Variants in IQCH observed in about 807,000 individuals in gnomAD.
IQCH encodes IQ motif containing H.
In IQCH, 98 loss-of-function variants were observed where a neutral mutation model predicts 117.0. The observed-to-expected ratio is 0.84, with a 90% confidence interval of 0.71 to 0.99. The LOEUF (loss-of-function observed/expected upper bound fraction) is 0.99. Ranked by LOEUF, IQCH falls within the 50% of genes least tolerant of loss-of-function variation. The pLI is 0.00. For missense variants in IQCH, 1,102 were observed against 1,243.8 expected (o/e 0.89, Z 1.72); for synonymous variants, 412 against 448.2 (o/e 0.92, Z 1.02).
rs897230596 is a variant in IQCH, at chr15:67,347,714, G to C, written c.637+3523G>C. ...CCTGACACCACAACCAAAGACTTTA[G>C]AAAAAAACTACAGCCCAGTATTCTT... On this transcript the variant is annotated intron_variant, in intron 6 of 20. Coordinates refer to ENST00000335894, the MANE Select transcript of IQCH (RefSeq NM_001031715.3). Among the ~76,000 whole-genome samples the C allele has an allele frequency of 2.0e-5, 3 of 149,976 alleles. No homozygotes were observed. In the South Asian group the frequency reaches 6.3e-4, roughly 31 times the overall value.
chr15:67,318,511 G>A (rs1474257102), intron 4 of IQCH, among the ~76,000 whole-genome samples: 1 of 152,072 alleles, frequency 6.6e-6, no homozygotes, highest in Admixed American at 6.5e-5. Flanking sequence ...ATTCCTATGG[G>A]TTTTATTTGG....
rs765168941 is a variant in IQCH at position 67,263,193 on chromosome 15, A to G, written c.246A>G (p.Leu82=). The change falls in exon 3 of 21, where the codon TTA becomes TTG. Residue 82 remains leucine, a synonymous_variant. Transcript: ENST00000335894. ...CGACTTCTGTTAATGATGAGAGCTT[A>G]TATACTCCCCAGGCTTCCAAATGGT... is the stretch of plus-strand genomic sequence containing the variant. The part of the protein sequence containing the change: ...VLTTSVNDES[L]YTPQASKWLL... 15 of 1,567,142 alleles carry G rather than the reference A, an allele frequency of 9.6e-6. No individual in the cohort carries two copies. The highest frequency in any genetic ancestry group is 1.4e-5 in the African/African-American group (1 of 73,964).
chr15:67,352,533 A>G (rs948529850), intron 6 of IQCH, among the ~76,000 whole-genome samples: 9 of 151,806 alleles, frequency 5.9e-5, no homozygotes, highest in African/African-American at 2.2e-4. Context: ...ATTTGCCTCA[A>G]AATGTGTTTA....
chr15:67,378,393 C>T (rs1437529949), intron 10 of IQCH, among the ~76,000 whole-genome samples: 2 of 150,488 alleles, frequency 1.3e-5, no homozygotes, highest in East Asian at 3.9e-4. Context: ...AAAATCTTTG[C>T]AGTCTTCAAC....
intron 4 of IQCH, among the ~76,000 whole-genome samples, chr15:67,325,408 A>G (rs945243036): frequency 6.6e-5 from 10 of 152,166 alleles, no homozygotes; most frequent in South Asian, 6.2e-4. Context: ...TTTGTCAATT[A>G]TGCCTTAATA....
chr15:67,420,359 G>GC (rs2081703517), intron 15 of IQCH, among the ~76,000 whole-genome samples: 1 of 152,104 alleles, frequency 6.6e-6, no homozygotes, highest in African/African-American at 2.4e-5. Flanking sequence ...ACTTCTCCCA[G>GC]CCCCCAGCAA....
intron 4 of IQCH, among the ~76,000 whole-genome samples, chr15:67,321,808 T>C (rs1221816424): frequency 6.6e-6 from 1 of 152,212 alleles, no homozygotes; most frequent in Non-Finnish European, 1.5e-5. Flanking sequence ...CCTTTCCATA[T>C]TCATATCTGT....
At chr15:67,341,441 A>G (rs1312162173) in intron 5 of IQCH, among the ~76,000 whole-genome samples, 1 of 152,232 alleles carries the variant, frequency 6.6e-6, no homozygotes, top group Non-Finnish European at 1.5e-5. Flanking sequence ...AACAGGGAAT[A>G]ACTTGCCATC....
At chr15:67,438,140 T>C (rs1435912157) in intron 16 of IQCH, among the ~76,000 whole-genome samples, 1 of 152,174 alleles carries the variant, frequency 6.6e-6, no homozygotes, top group African/African-American at 2.4e-5. Context: ...CTTTAAGAGC[T>C]GTGAGAGAGA....
chr15:67,372,224 A>G lies in IQCH; in HGVS notation c.867A>G (p.Glu289=). 1.2e-6 allele frequency: 2 copies of G among 1,614,154 alleles called. No individual in the cohort carries two copies. The highest frequency in any genetic ancestry group is 2.2e-5 in the South Asian group (2 of 91,082). Residue 289 remains glutamate, a synonymous_variant, in exon 9 of 21, where the codon GAA becomes GAG. Transcript: ENST00000335894. The part of the protein sequence containing the change: ...NTAPDFLAFK[E]HFSLAWGGIF... ...CCCCAGACTTCTTAGCATTCAAGGAACATTTTAGCTTAGCTTGGGGAGGTA... is the reference window on the plus strand; with the variant it reads ...CCCCAGACTTCTTAGCATTCAAGGAGCATTTTAGCTTAGCTTGGGGAGGTA...
chr15:67,449,882 G>A (rs1015192387), intron 16 of IQCH, among the ~76,000 whole-genome samples: 3 of 152,220 alleles, frequency 2.0e-5, no homozygotes, highest in Non-Finnish European at 4.4e-5. Context: ...CCATTTGTTT[G>A]TATCCTCTTT....
intron 16 of IQCH, among the ~76,000 whole-genome samples, chr15:67,428,936 G>A (rs949722179): frequency 6.6e-6 from 1 of 152,046 alleles, no homozygotes; most frequent in Non-Finnish European, 1.5e-5. Context: ...CTTGAACAAG[G>A]AGGAAGGGAC....
At chr15:67,397,276 A>G (rs1055977656) in intron 13 of IQCH, among the ~76,000 whole-genome samples, 1 of 152,226 alleles carries the variant, frequency 6.6e-6, no homozygotes, top group Admixed American at 6.5e-5. Flanking sequence ...TCAGAACCGC[A>G]TATGTTGATT....
chr15:67,317,648 G>A (rs978830036), intron 4 of IQCH, among the ~76,000 whole-genome samples: 1 of 152,060 alleles, frequency 6.6e-6, no homozygotes, highest in African/African-American at 2.4e-5. Flanking sequence ...TTTTCCTCTT[G>A]TTAGATCTCC....
intron 5 of IQCH, among the ~76,000 whole-genome samples, chr15:67,339,024 T>C (rs1969025970): frequency 6.6e-6 from 1 of 152,210 alleles, no homozygotes. Context: ...ATTATCACAA[T>C]TTATCATAAT....
In IQCH at chr15:67,443,978, A is replaced by C. The variant is rs2082337568; in HGVS notation, c.2506-21149A>C. 6.6e-6 allele frequency among the ~76,000 whole-genome samples: 1 copy of C among 152,228 alleles called. No individual in the cohort carries two copies. The highest frequency in any genetic ancestry group is 6.5e-5 in the Admixed American group (1 of 15,282). Reference sequence around the variant, plus strand: ...TGAACAGCTATTATGTGGCAAATCCAGGGTTCAGACTGTGACTTATTTGGC... The same window carrying C: ...TGAACAGCTATTATGTGGCAAATCCCGGGTTCAGACTGTGACTTATTTGGC... On this transcript the variant is annotated intron_variant, in intron 16 of 20. Transcript: ENST00000335894. This position sits in a 1 kb window ranked among gnomAD's most constrained non-coding sequence, Gnocchi z 5.0.
chr15:67,272,024 T>C (rs1965917325), intron 3 of IQCH, among the ~76,000 whole-genome samples: 1 of 152,116 alleles, frequency 6.6e-6, no homozygotes, highest in African/African-American at 2.4e-5. Flanking sequence ...GTATTTGAAG[T>C]TTTTATACTT....
At chr15:67,469,524 A>G (rs16950932) in intron 17 of IQCH, among the ~76,000 whole-genome samples, 23,456 of 152,250 alleles carry the variant, frequency 0.15, 2,216 homozygotes, top group African/African-American at 0.26. Flanking sequence ...GTGACAGGTC[A>G]TATCCTAAGT....
In IQCH at chr15:67,256,802, C is replaced by A. The variant is rs550438777; in HGVS notation, c.51+1855C>A. On this transcript the variant is annotated intron_variant, in intron 1 of 20. Coordinates refer to ENST00000335894, the MANE Select transcript of IQCH (RefSeq NM_001031715.3). ...GCACCCCTACTTATTTAAAAGGATTCCTGTGGACATATCAAGTAAAGGGCT... is the reference window on the plus strand; with the variant it reads ...GCACCCCTACTTATTTAAAAGGATTACTGTGGACATATCAAGTAAAGGGCT... Among the ~76,000 whole-genome samples the A allele has an allele frequency of 1.1e-4, 16 of 152,286 alleles. No individual in the cohort carries two copies. The East Asian group carries it at 2.5e-3, about 24-fold the overall frequency.
Sources: allele counts gnomAD v4.1 joint callset (sites outside exome capture counted in the v4.1 genomes callset), GRCh38; gene constraint gnomAD v4.1.1; non-coding constraint Gnocchi (gnomAD v3.1); transcripts MANE v1.5; gene names NCBI Gene and HGNC (gene_info 2026-07-23, HGNC 2026-07-21).